The following CTDSPL variants were observed in gnomAD, a reference collection of about 807,000 sequenced individuals.
CTDSPL encodes the protein CTD small phosphatase-like protein.
Under a neutral mutation model 30.5 loss-of-function variants are expected in CTDSPL, and 8 were observed. That is an observed-to-expected ratio of 0.26 (90% CI 0.15 to 0.47). The LOEUF is 0.47. CTDSPL is among the 20% of genes least tolerant of loss of function. CTDSPL has a pLI of 0.99. For missense variants in CTDSPL, 248 were observed against 366.1 expected, an observed-to-expected ratio of 0.68 and a Z score of 2.63; for synonymous variants, 110 against 137.9, an observed-to-expected ratio of 0.80 and a Z score of 1.42.
intron 3 of CTDSPL, among the ~76,000 whole-genome samples, chr3:37,962,757 A>G: frequency 6.6e-6 from 1 of 152,242 alleles, no homozygotes; most frequent in East Asian, 1.9e-4. Context: ...CACTAATGTC[A>G]AAAGGGAGAC....
intron 2 of CTDSPL, among the ~76,000 whole-genome samples, chr3:37,952,092 A>C (rs1441287906): frequency 6.6e-6 from 1 of 151,534 alleles, no homozygotes; most frequent in Non-Finnish European, 1.5e-5. Context: ...CAGGAGGATC[A>C]CTTGAGGCCT....
intron 2 of CTDSPL, among the ~76,000 whole-genome samples, chr3:37,955,780 A>G (rs941109848): frequency 6.6e-6 from 1 of 152,148 alleles, no homozygotes; most frequent in Non-Finnish European, 1.5e-5. Context: ...CTGTGCACTA[A>G]ACCCCCATGA....
intron 1 of CTDSPL, among the ~76,000 whole-genome samples, chr3:37,867,188 C>T (rs1301696684): frequency 6.6e-6 from 1 of 152,084 alleles, no homozygotes; most frequent in Non-Finnish European, 1.5e-5. Context: ...TTTTTAGGAA[C>T]ATTATCTAAA....
chr3:37,869,942 C>G (rs943236521), intron 1 of CTDSPL, among the ~76,000 whole-genome samples: 1 of 152,120 alleles, frequency 6.6e-6, no homozygotes, highest in Non-Finnish European at 1.5e-5. Context: ...AGACTTGCGT[C>G]CATGGAATGA....
At chr3:37,965,041 G>A (rs547592761) in intron 4 of CTDSPL, among the ~76,000 whole-genome samples, 4 of 152,276 alleles carry the variant, frequency 2.6e-5, no homozygotes, top group African/African-American at 7.2e-5. Context: ...TTATTGGGAG[G>A]GGGAGGGGAG....
intron 1 of CTDSPL, among the ~76,000 whole-genome samples, chr3:37,919,483 T>A (rs557970591): frequency 1.4e-4 from 22 of 152,338 alleles, no homozygotes; most frequent in African/African-American, 4.8e-4. Flanking sequence ...CAACTTTTTT[T>A]AAAAAGTGAA....
intron 1 of CTDSPL, among the ~76,000 whole-genome samples, chr3:37,931,133 G>A (rs536026926): frequency 6.7e-6 from 1 of 149,162 alleles, no homozygotes; most frequent in Admixed American, 6.7e-5. Context: ...CCTCTATTCA[G>A]CTCCTCTTTG....
chr3:37,908,645 T>C (rs1432719533), intron 1 of CTDSPL, among the ~76,000 whole-genome samples: 4 of 152,212 alleles, frequency 2.6e-5, no homozygotes, highest in Non-Finnish European at 4.4e-5. Context: ...TCCCTGACGA[T>C]AGACAGGAAA....
intron 1 of CTDSPL, among the ~76,000 whole-genome samples, chr3:37,905,434 G>A (rs1448298821): frequency 6.6e-6 from 1 of 152,208 alleles, no homozygotes; most frequent in African/African-American, 2.4e-5. Context: ...AAAAGACTTG[G>A]AAGAACATGT....
chr3:37,931,926 T>TA (rs1350922403), intron 1 of CTDSPL, among the ~76,000 whole-genome samples: 2 of 152,114 alleles, frequency 1.3e-5, no homozygotes, highest in Non-Finnish European at 2.9e-5. Flanking sequence ...TAGGGCTTGA[T>TA]AAAGTGACTC....
At chr3:37,947,968 A>G (rs1699058537) in intron 2 of CTDSPL, among the ~76,000 whole-genome samples, 1 of 152,254 alleles carries the variant, frequency 6.6e-6, no homozygotes. Flanking sequence ...ATCTGAAACA[A>G]AGTTACTCAG....
intron 1 of CTDSPL, among the ~76,000 whole-genome samples, chr3:37,875,647 T>C (rs976850484): frequency 1.3e-5 from 2 of 152,254 alleles, no homozygotes; most frequent in African/African-American, 4.8e-5. Flanking sequence ...GCTTAGCCTA[T>C]CACACATTTG....
intron 1 of CTDSPL, among the ~76,000 whole-genome samples, chr3:37,879,473 T>A (rs1041951873): frequency 1.3e-5 from 2 of 152,250 alleles, no homozygotes; most frequent in Non-Finnish European, 2.9e-5. Flanking sequence ...ATGTAACCCT[T>A]CATAGTCTGG....
At chr3:37,893,901 T>C (rs1398251551) in intron 1 of CTDSPL, among the ~76,000 whole-genome samples, 2 of 152,238 alleles carry the variant, frequency 1.3e-5, no homozygotes, top group Non-Finnish European at 2.9e-5. Flanking sequence ...TAATTACTCT[T>C]AATTTTTAAA....
At chr3:37,940,086 C>T (rs915536719) in intron 1 of CTDSPL, among the ~76,000 whole-genome samples, 3 of 149,612 alleles carry the variant, frequency 2.0e-5, no homozygotes, top group Admixed American at 6.7e-5. Context: ...AGCAAGACTC[C>T]GTCTCAAAAA....
chr3:37,964,489 A>T, intron 3 of CTDSPL, 82 bp from the exon 4 acceptor site: 2 of 883,920 alleles, frequency 2.3e-6, no homozygotes, highest in Non-Finnish European at 3.6e-6. Context: ...CCAGGCATTT[A>T]AATGTTTGAA....
chr3:37,912,743 G>A (rs1698597856), intron 1 of CTDSPL, among the ~76,000 whole-genome samples: 1 of 152,174 alleles, frequency 6.6e-6, no homozygotes, highest in South Asian at 2.1e-4. Flanking sequence ...TATTTATTGA[G>A]CATCAGCCAC....
chr3:37,958,811 C>T (rs1383844060), intron 3 of CTDSPL, among the ~76,000 whole-genome samples: 1 of 152,194 alleles, frequency 6.6e-6, no homozygotes, highest in African/African-American at 2.4e-5. Context: ...GGAACTTGCA[C>T]TTTTGAATGA....
chr3:37,965,410 C>T (rs1254716574), intron 4 of CTDSPL, among the ~76,000 whole-genome samples: 2 of 151,718 alleles, frequency 1.3e-5, no homozygotes, highest in South Asian at 2.1e-4. Context: ...TTTTTTTTGA[C>T]GTGAAATAAA....
Sources: allele counts gnomAD v4.1 joint callset (sites outside exome capture counted in the v4.1 genomes callset), GRCh38; gene constraint gnomAD v4.1.1; transcripts MANE v1.5; gene names NCBI Gene and HGNC (gene_info 2026-07-23, HGNC 2026-07-21).